Variants in PDE4D observed in about 807,000 individuals in gnomAD.
The protein encoded by PDE4D is phosphodiesterase 4D.
PDE4D carries 24 observed loss-of-function variants against 87.4 expected under a neutral mutation model. That is an observed-to-expected ratio of 0.27 (90% CI 0.20 to 0.39). PDE4D has a LOEUF of 0.39. PDE4D is among the 10% of genes least tolerant of loss of function. PDE4D has a pLI of 1.00. For synonymous variants in PDE4D, 384 were observed against 383.2 expected, an observed-to-expected ratio of 1.00 and a Z score of -0.02; for missense variants, 714 against 1,041.0, an observed-to-expected ratio of 0.69 and a Z score of 4.32.
chr5:59,789,827 C>T (rs1233073825), intron 1 of PDE4D, among the ~76,000 whole-genome samples: 1 of 152,102 alleles, frequency 6.6e-6, no homozygotes, highest in Non-Finnish European at 1.5e-5. Context: ...GGTCCTGATT[C>T]GATTTCATCC....
At chr5:59,382,662 C>T (rs1424265033) in intron 1 of PDE4D, among the ~76,000 whole-genome samples, 5 of 152,042 alleles carry the variant, frequency 3.3e-5, no homozygotes, top group Non-Finnish European at 5.9e-5. Flanking sequence ...GTTTTTAGAA[C>T]AAAAACTTAA....
chr5:59,530,726 A>T (rs993771397), intron 1 of PDE4D, among the ~76,000 whole-genome samples: 2 of 152,218 alleles, frequency 1.3e-5, no homozygotes, highest in Non-Finnish European at 2.9e-5. Flanking sequence ...TTCACATAGA[A>T]TTAACTCTCA....
At chr5:60,392,928 G>C (rs572925780) in intron 1 of PDE4D, among the ~76,000 whole-genome samples, 1 of 152,360 alleles carries the variant, frequency 6.6e-6, no homozygotes, top group African/African-American at 2.4e-5. Flanking sequence ...TCAAGTAAAA[G>C]AGGTGAAGAT....
At chr5:59,063,158 G>GC (rs1763400778) in intron 5 of PDE4D, 1 of 152,168 alleles carries the variant, frequency 6.6e-6, no homozygotes, top group Non-Finnish European at 1.5e-5. Flanking sequence ...GAGGCTTATT[G>GC]CCTAAACCAC....
chr5:59,350,230 G>A (rs1780298263), intron 1 of PDE4D, among the ~76,000 whole-genome samples: 1 of 151,958 alleles, frequency 6.6e-6, no homozygotes, highest in African/African-American at 2.4e-5. Flanking sequence ...ACACTCTCCT[G>A]TCTGCAAGAA....
At chr5:60,068,795 T>C (rs1772400871) in intron 2 of PDE4D, among the ~76,000 whole-genome samples, 1 of 152,084 alleles carries the variant, frequency 6.6e-6, no homozygotes, top group Admixed American at 6.6e-5. Flanking sequence ...AGAGACAAGG[T>C]TTCACTATGT....
At chr5:60,113,875 C>T (rs938697064) in intron 2 of PDE4D, among the ~76,000 whole-genome samples, 1 of 152,062 alleles carries the variant, frequency 6.6e-6, no homozygotes, top group African/African-American at 2.4e-5. Flanking sequence ...CTAAAACTGC[C>T]AGGTTTACAG....
At chr5:59,438,925 T>G (rs1208928402) in intron 1 of PDE4D, among the ~76,000 whole-genome samples, 1 of 152,232 alleles carries the variant, frequency 6.6e-6, no homozygotes, top group Non-Finnish European at 1.5e-5. Flanking sequence ...TTCTCCTAAA[T>G]GTAAATGATA....
intron 5 of PDE4D, among the ~76,000 whole-genome samples, chr5:59,176,395 A>C (rs1783893152): frequency 6.6e-6 from 1 of 152,172 alleles, no homozygotes; most frequent in Admixed American, 6.5e-5. Context: ...TCTACTAAAA[A>C]CACAAAAAGT....
chr5:59,544,006 T>G (rs1816820825), intron 1 of PDE4D, among the ~76,000 whole-genome samples: 1 of 152,200 alleles, frequency 6.6e-6, no homozygotes, highest in Non-Finnish European at 1.5e-5. Context: ...ATATTCAAAC[T>G]GTAGCCCTGG....
intron 1 of PDE4D, among the ~76,000 whole-genome samples, chr5:59,225,808 A>C (rs894788159): frequency 6.6e-6 from 1 of 151,432 alleles, no homozygotes; most frequent in Non-Finnish European, 1.5e-5. Flanking sequence ...AAACCCCCCC[A>C]AAACCCAATT....
At chr5:59,574,729 C>T (rs970202366) in intron 1 of PDE4D, among the ~76,000 whole-genome samples, 1 of 152,150 alleles carries the variant, frequency 6.6e-6, no homozygotes, top group Non-Finnish European at 1.5e-5. Flanking sequence ...CCAACAAAGT[C>T]TTGCAGTTAT....
chr5:59,645,800 A>T (rs1449885344), intron 1 of PDE4D, among the ~76,000 whole-genome samples: 2 of 152,234 alleles, frequency 1.3e-5, no homozygotes, highest in East Asian at 3.8e-4. Flanking sequence ...TTTGATAGAG[A>T]TATTTCCCAA....
chr5:59,378,394 A>G (rs1785102269), intron 1 of PDE4D, among the ~76,000 whole-genome samples: 1 of 152,156 alleles, frequency 6.6e-6, no homozygotes, highest in Non-Finnish European at 1.5e-5. Context: ...GTTTACCTAT[A>G]TAACAAACCT....
intron 1 of PDE4D, among the ~76,000 whole-genome samples, chr5:59,577,739 T>C (rs1398032055): frequency 6.6e-6 from 1 of 152,100 alleles, no homozygotes; most frequent in Non-Finnish European, 1.5e-5. Context: ...TCTGCTGAGA[T>C]GATTAGAAGA....
intron 1 of PDE4D, among the ~76,000 whole-genome samples, chr5:59,697,433 G>A (rs1274316030): frequency 6.6e-6 from 1 of 152,150 alleles, no homozygotes; most frequent in African/African-American, 2.4e-5. Flanking sequence ...GTGGGGGTGG[G>A]AGTGGAATAA....
intron 1 of PDE4D, among the ~76,000 whole-genome samples, chr5:59,647,693 T>G (rs180816350): frequency 7.2e-4 from 110 of 152,212 alleles, no homozygotes; most frequent in African/African-American, 2.4e-3. Flanking sequence ...TGAAAACACT[T>G]TAAGTATTCA....
chr5:59,063,687 C>A (rs1275228395), intron 5 of PDE4D, among the ~76,000 whole-genome samples: 2 of 152,124 alleles, frequency 1.3e-5, no homozygotes, highest in East Asian at 3.9e-4. Context: ...CATAAGTTGA[C>A]CAAAGCATTC....
intron 1 of PDE4D, among the ~76,000 whole-genome samples, chr5:59,311,402 G>A (rs1217648178): frequency 6.8e-6 from 1 of 147,298 alleles, no homozygotes; most frequent in Non-Finnish European, 1.5e-5. Flanking sequence ...TCGGAAGGCT[G>A]AGGCACAAGC....
Sources: gnomAD v4.1 joint callset for allele counts (sites outside exome capture counted in the v4.1 genomes callset) on GRCh38, gnomAD v4.1.1 for gene constraint, MANE v1.5 for transcripts, NCBI Gene and HGNC (gene_info 2026-07-23, HGNC 2026-07-21) for gene names.